The following IQGAP1 variants were observed in gnomAD, a reference collection of about 807,000 sequenced individuals.
IQGAP1 encodes the protein ras GTPase-activating-like protein IQGAP1.
A neutral mutation model predicts 215.6 loss-of-function variants in IQGAP1; 66 were observed. The observed-to-expected ratio is 0.31, with a 90% CI of 0.25 to 0.38. The LOEUF (loss-of-function observed/expected upper bound fraction) is 0.38, where lower values mean the gene tolerates loss of function less well. Among genes scored for constraint, IQGAP1 ranks in the 10% least tolerant of loss-of-function variants. The pLI, the probability that IQGAP1 is intolerant of heterozygous loss-of-function variation, is 1.00. For synonymous variants in IQGAP1, 772 were observed against 728.7 expected (o/e 1.06, Z -0.96); for missense variants, 1,712 against 1,997.1 (o/e 0.86, Z 2.72).
Position 90,487,531 on chromosome 15 carries a change from G to T in IQGAP1, c.4197G>T (p.Gln1399His). 1 of 1,614,120 alleles carries T rather than the reference G, an allele frequency of 6.2e-7. No homozygotes were observed. The highest frequency in any genetic ancestry group is 8.5e-7 in the Non-Finnish European group (1 of 1,179,972). Reference sequence around the variant, plus strand: ...TAATTGTGGATGTCATCCGGTTCCAGCCAGGAGAGACCTTGACTGAAATCC... The same window carrying T: ...TAATTGTGGATGTCATCCGGTTCCATCCAGGAGAGACCTTGACTGAAATCC... ...KRLIVDVIRFQPGETLTEILE... is the reference protein window; with the variant it reads ...KRLIVDVIRFHPGETLTEILE... The change falls in exon 33 of 38, where the codon CAG becomes CAT. Residue 1399 changes from glutamine to histidine, a missense_variant. Transcript: ENST00000268182.
chr15:90,456,856 C>G (rs1417929311), intron 15 of IQGAP1, among the ~76,000 whole-genome samples: 1 of 149,522 alleles, frequency 6.7e-6, no homozygotes, highest in African/African-American at 2.5e-5. Flanking sequence ...CCACTGCACT[C>G]CAGTCTGGGG....
chr15:90,496,341 G>A (rs532483756), intron 36 of IQGAP1, among the ~76,000 whole-genome samples: 4 of 111,304 alleles, frequency 3.6e-5, no homozygotes, highest in African/African-American at 1.9e-4. Context: ...TTTTTGAGAC[G>A]GAGTCTCGCC....
chr15:90,474,274 T>C (rs1047569440), intron 22 of IQGAP1, 141 bp downstream of exon 22: 1 of 814,882 alleles, frequency 1.2e-6, no homozygotes, highest in East Asian at 2.6e-5. Context: ...GCCCCTTTGC[T>C]AACATGTGGC....
intron 15 of IQGAP1, among the ~76,000 whole-genome samples, chr15:90,459,937 A>C (rs1346692861): frequency 6.6e-6 from 1 of 152,152 alleles, no homozygotes; most frequent in Non-Finnish European, 1.5e-5. Flanking sequence ...TATATTTTCA[A>C]AGAGTTTGTA....
intron 15 of IQGAP1, among the ~76,000 whole-genome samples, chr15:90,461,168 C>G (rs1365489333): frequency 6.6e-6 from 1 of 151,784 alleles, no homozygotes; most frequent in African/African-American, 2.4e-5. Flanking sequence ...ATTAGCCAGG[C>G]GTGGTGGCAG....
At chr15:90,441,992 G>A (rs1250082858) in intron 8 of IQGAP1, among the ~76,000 whole-genome samples, 1 of 152,116 alleles carries the variant, frequency 6.6e-6, no homozygotes, top group Non-Finnish European at 1.5e-5. Context: ...GAATGATGCA[G>A]TATCTAATCT....
intron 31 of IQGAP1, 38 bp downstream of exon 31, chr15:90,486,170 A>G (rs758825737): frequency 2.8e-6 from 4 of 1,434,804 alleles, no homozygotes; most frequent in South Asian, 1.2e-5. Context: ...TCAAAAGGGA[A>G]TGTGACAGAA....
At chr15:90,442,896 C>T (rs1159155446) in intron 8 of IQGAP1, among the ~76,000 whole-genome samples, 1 of 152,062 alleles carries the variant, frequency 6.6e-6, no homozygotes, top group Non-Finnish European at 1.5e-5. Flanking sequence ...CACGTGAACC[C>T]AGGAGGCAGA....
chr15:90,413,986 T>C (rs1425838083), intron 2 of IQGAP1, among the ~76,000 whole-genome samples: 1 of 152,214 alleles, frequency 6.6e-6, no homozygotes, highest in East Asian at 1.9e-4. Context: ...TTTGTTCTTA[T>C]TCCTGTATCT....
At chr15:90,396,804 G>A in intron 2 of IQGAP1, among the ~76,000 whole-genome samples, 1 of 152,036 alleles carries the variant, frequency 6.6e-6, no homozygotes, top group Admixed American at 6.6e-5. Flanking sequence ...TCCTAATGTG[G>A]CTGCCGAAAG....
chr15:90,461,105 G>A (rs573916682), intron 15 of IQGAP1, among the ~76,000 whole-genome samples: 27 of 151,600 alleles, frequency 1.8e-4, no homozygotes, highest in Non-Finnish European at 2.6e-4. Flanking sequence ...TCAGGAGTTC[G>A]AGACCAGCCT....
chr15:90,419,140 G>GAAAAAAAAAAA (rs200209041), intron 2 of IQGAP1, among the ~76,000 whole-genome samples: 3 of 112,144 alleles, frequency 2.7e-5, no homozygotes. Flanking sequence ...TCTCAAAAAA[G>GAAAAAAAAAAA]AAAAAAAAAA....
rs776174873 is a variant in IQGAP1 at position 90,476,771 on chromosome 15, A to G, written c.2893A>G (p.Lys965Glu). ...KGGLKALSKE[K>E]REKLEAYQHL... ...AGGTCTCAAGGCTTTGAGCAAGGAG[A>G]AGAGAGAGAAGTTGGAAGCTTACCA... Residue 965 changes from lysine (K) to glutamate (E), a missense_variant, in exon 24 of 38, where the codon AAG (lysine) becomes GAG (glutamate). Physicochemically the swap from Lys to Glu is moderately conservative, Grantham distance 56. This residue lies in a region of IQGAP1 where 691 missense variants were observed against 923.0 expected (regional missense o/e 0.75). Transcript: ENST00000268182. The G allele has an allele frequency of 6.2e-7, 1 of 1,606,530 alleles. No individual in the cohort carries two copies.
intron 2 of IQGAP1, among the ~76,000 whole-genome samples, chr15:90,416,642 A>G (rs867089604): frequency 8.6e-5 from 13 of 151,366 alleles, no homozygotes; most frequent in African/African-American, 2.2e-4. Context: ...CAGTGGCACA[A>G]TCTTGGCTCA....
intron 37 of IQGAP1, among the ~76,000 whole-genome samples, chr15:90,497,905 C>G (rs1237408685): frequency 6.6e-6 from 1 of 152,164 alleles, no homozygotes; most frequent in South Asian, 2.1e-4. Flanking sequence ...CATCCAGACT[C>G]CTTTAGCTTT....
chr15:90,473,131 T>C, intron 19 of IQGAP1, 121 bp downstream of exon 19: 1 of 891,542 alleles, frequency 1.1e-6, no homozygotes. Flanking sequence ...TAGTCTTCTC[T>C]TTCCTTTGAC....
rs1823719 is a variant in IQGAP1 at position 90,396,363 on chromosome 15, T to G, written c.155+5490T>G. 1.5e-3 allele frequency among the ~76,000 whole-genome samples: 224 copies of G among 152,264 alleles called. 3 individuals carry two copies. Among genetic ancestry groups the G allele is most frequent in the Admixed American group, 0.014 (212 of 15,294 alleles). ...GGTGAGGTGACTAGGAAGAATATCA[T>G]GCCCAGCACTTCTAGAATTCTCAAA... is the stretch of plus-strand genomic sequence containing the variant. On this transcript the variant is annotated intron_variant, in intron 2 of 37. Coordinates refer to ENST00000268182, the MANE Select transcript of IQGAP1 (RefSeq NM_003870.4).
chr15:90,420,896 T>C (rs960526347), intron 2 of IQGAP1, among the ~76,000 whole-genome samples: 13 of 152,242 alleles, frequency 8.5e-5, no homozygotes, highest in African/African-American at 2.4e-4. Context: ...CTCACGCCTA[T>C]AATCCCAGCA....
At chr15:90,482,550 G>A (rs1476021385) in intron 28 of IQGAP1, among the ~76,000 whole-genome samples, 13 of 152,262 alleles carry the variant, frequency 8.5e-5, no homozygotes, top group Non-Finnish European at 2.9e-5. Flanking sequence ...TCTTTTCGCT[G>A]TAGTATTGTT....
Sources: allele counts gnomAD v4.1 joint callset (sites outside exome capture counted in the v4.1 genomes callset), GRCh38; gene constraint gnomAD v4.1.1; regional missense constraint gnomAD v4.1.1; transcripts MANE v1.5; gene names NCBI Gene and HGNC (gene_info 2026-07-23, HGNC 2026-07-21).